Variants in KHDRBS2 observed in about 807,000 individuals in gnomAD.
KHDRBS2 encodes the protein KH RNA binding domain containing, signal transduction associated 2.
In KHDRBS2, 26 loss-of-function variants were observed where a neutral mutation model predicts 44.3. The observed-to-expected ratio is 0.59, with a 90% CI of 0.43 to 0.81. The LOEUF is 0.81. Ranked by LOEUF, KHDRBS2 falls within the 40% of genes least tolerant of loss-of-function variation. The probability of loss-of-function intolerance (pLI) is 0.00; values close to 1 mark genes in which losing one functional copy is unlikely to be tolerated. For synonymous variants in KHDRBS2, 194 were observed against 151.1 expected (o/e 1.28, Z -2.08); for missense variants, 476 against 433.1 (o/e 1.10, Z -0.88).
At chr6:61,859,990 G>C (rs1331328849) in intron 6 of KHDRBS2, among the ~76,000 whole-genome samples, 6 of 151,966 alleles carry the variant, frequency 3.9e-5, no homozygotes, top group Non-Finnish European at 8.8e-5. Flanking sequence ...ATAGAGAAGA[G>C]TGTATGAAAG....
chr6:61,704,623 T>G (rs1443073147), intron 7 of KHDRBS2, among the ~76,000 whole-genome samples: 3 of 151,772 alleles, frequency 2.0e-5, no homozygotes, highest in Non-Finnish European at 2.9e-5. Context: ...GGATTTTATA[T>G]TAGGAGCCAT....
chr6:62,157,023 T>A (rs1435808941), intron 2 of KHDRBS2, among the ~76,000 whole-genome samples: 1 of 151,262 alleles, frequency 6.6e-6, no homozygotes, highest in Non-Finnish European at 1.5e-5. Flanking sequence ...AATTAATACT[T>A]TTTCCATTAG....
intron 2 of KHDRBS2, among the ~76,000 whole-genome samples, chr6:62,100,902 G>A (rs1483637421): frequency 6.6e-6 from 1 of 152,128 alleles, no homozygotes; most frequent in South Asian, 2.1e-4. Context: ...AGAAAGAGAT[G>A]AAAGCTATTG....
chr6:61,735,136 T>C (rs1775126117), intron 6 of KHDRBS2, among the ~76,000 whole-genome samples: 1 of 124,468 alleles, frequency 8.0e-6, no homozygotes, highest in Non-Finnish European at 1.6e-5. Flanking sequence ...GTAGCTTTTG[T>C]TTTCATTTTT....
chr6:62,057,370 A>T (rs1178864474), intron 2 of KHDRBS2, among the ~76,000 whole-genome samples: 2 of 151,926 alleles, frequency 1.3e-5, no homozygotes, highest in Non-Finnish European at 2.9e-5. Context: ...AAAAGTAATC[A>T]CTAAGCTGGT....
intron 6 of KHDRBS2, among the ~76,000 whole-genome samples, chr6:61,808,940 A>T (rs1337775849): frequency 6.6e-6 from 1 of 152,108 alleles, no homozygotes; most frequent in Non-Finnish European, 1.5e-5. Flanking sequence ...AATTCAATTA[A>T]ATTTGGCATA....
intron 2 of KHDRBS2, among the ~76,000 whole-genome samples, chr6:62,102,487 C>T (rs149092907): frequency 3.5e-4 from 54 of 152,260 alleles, no homozygotes; most frequent in Admixed American, 5.2e-4. Context: ...TGGGGAGCCC[C>T]GAGGTCTCGG....
intron 2 of KHDRBS2, among the ~76,000 whole-genome samples, chr6:62,064,300 A>C (rs1386443942): frequency 4.6e-4 from 69 of 149,716 alleles, no homozygotes; most frequent in Middle Eastern, 3.4e-3. Flanking sequence ...CATATGGAAC[A>C]AAAAAAGAGC....
chr6:61,916,737 C>T (rs1807073723), intron 4 of KHDRBS2, among the ~76,000 whole-genome samples: 2 of 151,810 alleles, frequency 1.3e-5, no homozygotes, highest in African/African-American at 4.8e-5. Flanking sequence ...TACACTTCAT[C>T]AAAGATGTAC....
intron 6 of KHDRBS2, among the ~76,000 whole-genome samples, chr6:61,759,443 A>G (rs545117416): frequency 6.6e-6 from 1 of 152,300 alleles, no homozygotes; most frequent in African/African-American, 2.4e-5. Flanking sequence ...ATAGTAATTT[A>G]AACTTTATTA....
At chr6:61,879,408 ACATCTTTACATG>A in intron 6 of KHDRBS2, among the ~76,000 whole-genome samples, 1 of 152,016 alleles carries the variant, frequency 6.6e-6, no homozygotes, top group Non-Finnish European at 1.5e-5. Context: ...TCTGCCTTTT[ACATCTTTACATG>A]CTGTTAGCTT....
intron 2 of KHDRBS2, among the ~76,000 whole-genome samples, chr6:62,143,065 A>G (rs1353605950): frequency 6.6e-6 from 1 of 151,934 alleles, no homozygotes; most frequent in Admixed American, 6.6e-5. Context: ...CTTAAGCTCA[A>G]TAACAGAGTT....
chr6:62,270,795 G>A (rs1839966389), intron 1 of KHDRBS2, among the ~76,000 whole-genome samples: 1 of 152,012 alleles, frequency 6.6e-6, no homozygotes, highest in South Asian at 2.1e-4. Context: ...ACTTGCATAG[G>A]ATTCACGAGA....
At chr6:61,577,457 G>C in the KHDRBS2 span, among the ~76,000 whole-genome samples, 2 of 152,100 alleles carry the variant, frequency 1.3e-5, no homozygotes, top group South Asian at 4.1e-4. Flanking sequence ...TAGGGTCACT[G>C]ATCCAATACC....
chr6:61,772,801 C>A (rs1275775316), intron 6 of KHDRBS2, among the ~76,000 whole-genome samples: 2 of 152,076 alleles, frequency 1.3e-5, no homozygotes. Flanking sequence ...TACCCCAACT[C>A]CACAACAGTC....
At chr6:62,218,288 A>G (rs947718298) in intron 1 of KHDRBS2, among the ~76,000 whole-genome samples, 1 of 151,912 alleles carries the variant, frequency 6.6e-6, no homozygotes, top group Admixed American at 6.6e-5. Flanking sequence ...AAAATCTCCA[A>G]TGTTCTGGGT....
At chr6:62,084,765 C>G (rs1309912378) in intron 2 of KHDRBS2, among the ~76,000 whole-genome samples, 1 of 152,096 alleles carries the variant, frequency 6.6e-6, no homozygotes, top group African/African-American at 2.4e-5. Context: ...TGGCTTCTCA[C>G]ATTTCTCAAA....
At chr6:62,219,078 A>C (rs1830467751) in intron 1 of KHDRBS2, among the ~76,000 whole-genome samples, 1 of 151,756 alleles carries the variant, frequency 6.6e-6, no homozygotes, top group Admixed American at 6.6e-5. Context: ...TGGTTGATGA[A>C]CACACTAACA....
chr6:62,051,865 G>A (rs1005851621), intron 2 of KHDRBS2, among the ~76,000 whole-genome samples: 9 of 151,808 alleles, frequency 5.9e-5, no homozygotes, highest in African/African-American at 1.9e-4. Context: ...TAAACAACAG[G>A]TATATGAAAA....
Sources: gnomAD v4.1 joint callset for allele counts (sites outside exome capture counted in the v4.1 genomes callset) on GRCh38, gnomAD v4.1.1 for gene constraint, MANE v1.5 for transcripts, NCBI Gene and HGNC (gene_info 2026-07-23, HGNC 2026-07-21) for gene names.